The following SH3RF1 variants were observed in gnomAD, a reference collection of about 807,000 sequenced individuals.
SH3RF1 encodes SH3 domain containing ring finger 1.
In SH3RF1, 32 loss-of-function variants were observed where a neutral mutation model predicts 74.0. The ratio of observed to expected loss-of-function variants is 0.43; its 90% CI spans 0.33 to 0.58. The LOEUF (loss-of-function observed/expected upper bound fraction) is 0.58, where lower values mean the gene tolerates loss of function less well. Ranked by LOEUF, SH3RF1 falls within the 20% of genes least tolerant of loss-of-function variation. The pLI, the probability that SH3RF1 is intolerant of heterozygous loss-of-function variation, is 0.05. For synonymous variants in SH3RF1, 396 were observed against 439.6 expected, an observed-to-expected ratio of 0.90 and a Z score of 1.24; for missense variants, 954 against 1,130.9, an observed-to-expected ratio of 0.84 and a Z score of 2.24.
At chr4:169,184,227 T>C (rs1253445735) in intron 2 of SH3RF1, among the ~76,000 whole-genome samples, 1 of 152,234 alleles carries the variant, frequency 6.6e-6, no homozygotes, top group Non-Finnish European at 1.5e-5. Flanking sequence ...GATGTCTGCA[T>C]TTTCAGAAGA....
chr4:169,135,412 T>A (rs977746560), intron 5 of SH3RF1, among the ~76,000 whole-genome samples: 1 of 152,114 alleles, frequency 6.6e-6, no homozygotes, highest in African/African-American at 2.4e-5. Context: ...TCTGCATGAA[T>A]TTTCAAGATG....
intron 10 of SH3RF1, among the ~76,000 whole-genome samples, chr4:169,111,602 T>C (rs944718284): frequency 1.3e-5 from 2 of 151,920 alleles, no homozygotes; most frequent in African/African-American, 4.8e-5. Context: ...ATAAAACATA[T>C]ATACATATAC....
At chr4:169,189,554 A>G (rs1734664841) in intron 2 of SH3RF1, among the ~76,000 whole-genome samples, 2 of 152,232 alleles carry the variant, frequency 1.3e-5, no homozygotes, top group South Asian at 4.1e-4. Flanking sequence ...GATCTTTCAA[A>G]TCATAAAGTT....
At chr4:169,241,161 C>A (rs10023536) in intron 2 of SH3RF1, among the ~76,000 whole-genome samples, 1 of 152,078 alleles carries the variant, frequency 6.6e-6, no homozygotes, top group Admixed American at 6.5e-5. Flanking sequence ...ACCCAGGAGG[C>A]GGAGATTGCA....
At chr4:169,145,485 C>T (rs1193016507) in intron 4 of SH3RF1, among the ~76,000 whole-genome samples, 2 of 150,464 alleles carry the variant, frequency 1.3e-5, no homozygotes, top group African/African-American at 4.9e-5. Context: ...GTGATAGGTA[C>T]ATTAAAAGCC....
chr4:169,102,915 C>CT (rs66574732), intron 11 of SH3RF1, among the ~76,000 whole-genome samples: 22,115 of 66,894 alleles, frequency 0.33, 6,029 homozygotes, highest in East Asian at 0.62. Flanking sequence ...CAGTCACATT[C>CT]TTTTTTTTTT....
chr4:169,214,240 C>T (rs1730425691), intron 2 of SH3RF1, among the ~76,000 whole-genome samples: 2 of 152,324 alleles, frequency 1.3e-5, no homozygotes, highest in African/African-American at 2.4e-5. Flanking sequence ...TCCTCCCTCA[C>T]TCTCTTGCTT....
intron 2 of SH3RF1, among the ~76,000 whole-genome samples, chr4:169,232,260 T>C (rs979284884): frequency 5.3e-5 from 8 of 152,162 alleles, no homozygotes; most frequent in Non-Finnish European, 1.5e-5. Flanking sequence ...GATGTTCAAA[T>C]CCACATTTGG....
At chr4:169,262,278 T>A (rs1427139173) in intron 2 of SH3RF1, among the ~76,000 whole-genome samples, 1 of 152,226 alleles carries the variant, frequency 6.6e-6, no homozygotes, top group Non-Finnish European at 1.5e-5. Context: ...ATATACACAC[T>A]TAATAACATA....
At chr4:169,215,195 C>CAT (rs1184523239) in intron 2 of SH3RF1, among the ~76,000 whole-genome samples, 1 of 152,158 alleles carries the variant, frequency 6.6e-6, no homozygotes. Flanking sequence ...TCAAATTCTG[C>CAT]ATCTACTGGT....
chr4:169,239,821 G>A (rs987440508), intron 2 of SH3RF1, among the ~76,000 whole-genome samples: 2 of 152,140 alleles, frequency 1.3e-5, no homozygotes, highest in African/African-American at 4.8e-5. Flanking sequence ...AGGAGTTCAA[G>A]ACCAGCTTGG....
intron 4 of SH3RF1, among the ~76,000 whole-genome samples, chr4:169,144,417 C>T (rs1006186954): frequency 2.0e-5 from 3 of 152,148 alleles, no homozygotes; most frequent in Non-Finnish European, 4.4e-5. Context: ...GAATAGGGTC[C>T]TCAGGTATTC....
intron 2 of SH3RF1, among the ~76,000 whole-genome samples, chr4:169,174,212 C>T (rs1035433925): frequency 2.0e-5 from 3 of 152,098 alleles, no homozygotes; most frequent in South Asian, 2.1e-4. Flanking sequence ...CAGGCACGTA[C>T]CAGCATACCT....
intron 11 of SH3RF1, among the ~76,000 whole-genome samples, chr4:169,104,412 G>A (rs1733097016): frequency 6.6e-6 from 1 of 152,154 alleles, no homozygotes; most frequent in African/African-American, 2.4e-5. Flanking sequence ...GAAAAAGGTT[G>A]ACTCTTAGAG....
intron 10 of SH3RF1, among the ~76,000 whole-genome samples, chr4:169,113,467 A>C (rs1733276966): frequency 6.6e-6 from 1 of 152,160 alleles, no homozygotes; most frequent in Admixed American, 6.5e-5. Flanking sequence ...AAATTCTAAA[A>C]CAGTATTAAA....
intron 2 of SH3RF1, among the ~76,000 whole-genome samples, chr4:169,255,121 T>A (rs1731164817): frequency 6.6e-6 from 1 of 152,318 alleles, no homozygotes; most frequent in Non-Finnish European, 1.5e-5. Flanking sequence ...GCTTTTGAAA[T>A]GTCCTTTAGA....
chr4:169,233,240 C>T, intron 2 of SH3RF1, among the ~76,000 whole-genome samples: 1 of 101,168 alleles, frequency 9.9e-6, no homozygotes, highest in Middle Eastern at 0.011. Context: ...CAGAGCAAGA[C>T]TCCATCTCAA....
intron 10 of SH3RF1, among the ~76,000 whole-genome samples, chr4:169,109,248 T>C (rs1733200793): frequency 6.6e-6 from 1 of 152,186 alleles, no homozygotes; most frequent in Non-Finnish European, 1.5e-5. Context: ...AATTACAATC[T>C]CAGCAAGCCA....
At chr4:169,203,806 A>G (rs1429341489) in intron 2 of SH3RF1, among the ~76,000 whole-genome samples, 12 of 152,322 alleles carry the variant, frequency 7.9e-5, no homozygotes, top group African/African-American at 2.4e-4. Context: ...GATACTAGAG[A>G]TCTGTGATTC....
Sources: gnomAD v4.1 joint callset for allele counts (sites outside exome capture counted in the v4.1 genomes callset) on GRCh38, gnomAD v4.1.1 for gene constraint, MANE v1.5 for transcripts, NCBI Gene and HGNC (gene_info 2026-07-23, HGNC 2026-07-21) for gene names.